The following PUM1 variants were observed in gnomAD, a reference collection of about 807,000 sequenced individuals.
PUM1 encodes pumilio homolog 1.
PUM1 carries 13 observed loss-of-function variants against 131.8 expected under a neutral mutation model. The ratio of observed to expected loss-of-function variants is 0.10; its 90% CI spans 0.06 to 0.16. The LOEUF is 0.16. Among genes scored for constraint, PUM1 ranks in the 10% least tolerant of loss-of-function variants. The probability of loss-of-function intolerance (pLI) is 1.00; values close to 1 mark genes in which losing one functional copy is unlikely to be tolerated. For missense variants in PUM1, 961 were observed against 1,512.4 expected, an observed-to-expected ratio of 0.64 and a Z score of 6.05; for synonymous variants, 509 against 556.5, an observed-to-expected ratio of 0.91 and a Z score of 1.20.
chr1:31,006,670 C>T (rs1184416523), intron 4 of PUM1, among the ~76,000 whole-genome samples: 5 of 152,164 alleles, frequency 3.3e-5, no homozygotes, highest in African/African-American at 1.2e-4. Flanking sequence ...GAAACATGAA[C>T]TTCAAATGGC....
At chr1:30,994,069 C>A (rs182341104) in intron 6 of PUM1, among the ~76,000 whole-genome samples, 33 of 151,762 alleles carry the variant, frequency 2.2e-4, no homozygotes, top group Non-Finnish European at 5.9e-5. Context: ...GACCCTGTCT[C>A]CAAAAAATAA....
chr1:30,989,167 G>C (rs1307732652), intron 7 of PUM1, among the ~76,000 whole-genome samples: 5 of 152,080 alleles, frequency 3.3e-5, no homozygotes, highest in Non-Finnish European at 2.9e-5. Context: ...CCACCAACCA[G>C]ACTGACTACT....
chr1:30,938,903 AT>A (rs1639329287), intron 20 of PUM1, among the ~76,000 whole-genome samples: 1 of 49,606 alleles, frequency 2.0e-5, no homozygotes, highest in African/African-American at 4.1e-5. Flanking sequence ...AGATAGATAG[AT>A]AGACAGACAG....
intron 2 of PUM1, among the ~76,000 whole-genome samples, chr1:31,052,158 G>C (rs1246192232): frequency 6.6e-6 from 1 of 151,698 alleles, no homozygotes; most frequent in African/African-American, 2.4e-5. Flanking sequence ...GACTACAGGC[G>C]CCCACCACCA....
intron 2 of PUM1, among the ~76,000 whole-genome samples, chr1:31,051,969 A>G (rs1644119484): frequency 6.6e-6 from 1 of 152,158 alleles, no homozygotes; most frequent in Non-Finnish European, 1.5e-5. Flanking sequence ...GTTATTCAGG[A>G]AAGAAAAAAA....
intron 2 of PUM1, among the ~76,000 whole-genome samples, chr1:31,041,724 G>C (rs769620994): frequency 1.4e-4 from 21 of 152,144 alleles, no homozygotes. Flanking sequence ...GAGTAAAAGT[G>C]TCCTGAGGCC....
chr1:30,989,571 C>CAAAAAAAAAAAAAAAA (rs1174565063), intron 7 of PUM1, among the ~76,000 whole-genome samples: 2 of 27,704 alleles, frequency 7.2e-5, no homozygotes, highest in African/African-American at 2.7e-4. Flanking sequence ...GACTCCGTCT[C>CAAAAAAAAAAAAAAAA]AAAAAAAAAA....
At chr1:31,049,485 C>T (rs1231212319) in intron 2 of PUM1, among the ~76,000 whole-genome samples, 1 of 150,810 alleles carries the variant, frequency 6.6e-6, no homozygotes, top group African/African-American at 2.4e-5. Context: ...CATTGCACTC[C>T]AGCCTGGGCA....
intron 5 of PUM1, among the ~76,000 whole-genome samples, chr1:31,003,494 C>T (rs1642288863): frequency 6.6e-6 from 1 of 152,124 alleles, no homozygotes; most frequent in Non-Finnish European, 1.5e-5. Context: ...CGGTGGCTCA[C>T]GCTTGTAATC....
chr1:31,009,772 A>AAAAAAAAAAAC (rs1557583835), intron 3 of PUM1, among the ~76,000 whole-genome samples: 5 of 62,922 alleles, frequency 7.9e-5, no homozygotes, highest in Non-Finnish European at 1.6e-4. Context: ...TGTCTCAAAA[A>AAAAAAAAAAAC]AAAAAAAAAA....
At chr1:31,055,977 A>G (rs528542787) in intron 2 of PUM1, among the ~76,000 whole-genome samples, 18 of 152,314 alleles carry the variant, frequency 1.2e-4, no homozygotes, top group Non-Finnish European at 2.4e-4. Flanking sequence ...TGATTTTTGA[A>G]TAACATTTAG....
intron 3 of PUM1, among the ~76,000 whole-genome samples, chr1:31,024,710 G>A (rs572049759): frequency 7.2e-5 from 11 of 152,270 alleles, no homozygotes; most frequent in Admixed American, 3.3e-4. Flanking sequence ...CCAATTATGC[G>A]AACAAAGTAC....
intron 3 of PUM1, among the ~76,000 whole-genome samples, chr1:31,016,532 G>T (rs1234931839): frequency 6.6e-6 from 1 of 152,110 alleles, no homozygotes; most frequent in Non-Finnish European, 1.5e-5. Flanking sequence ...GCAGAGTGAA[G>T]TGCATCCACT....
intron 3 of PUM1, among the ~76,000 whole-genome samples, chr1:31,020,678 C>T (rs1286011925): frequency 2.0e-5 from 3 of 152,144 alleles, no homozygotes; most frequent in Non-Finnish European, 4.4e-5. Context: ...ACCCAGTTAG[C>T]CTCAGGGAAT....
At position 31,005,837 on chromosome 1, in the gene PUM1, C is replaced by G. The variant is rs1395361271; in HGVS notation, c.720+16G>C. On this transcript the variant is annotated intron_variant, in intron 5 of 21. Coordinates refer to ENST00000426105, the MANE Select transcript of PUM1 (RefSeq NM_001020658.2). ...AGAGAGAGAGAGATAGGAACAAGTT[C>G]CTCAAGCCAACTTACAAATCCTCCT... 1 of 1,569,246 alleles carries G rather than the reference C, an allele frequency of 6.4e-7. No homozygotes were observed. Among genetic ancestry groups the G allele is most frequent in the African/African-American group, 1.4e-5 (1 of 72,498 alleles).
intron 1 of PUM1, among the ~76,000 whole-genome samples, chr1:31,062,582 T>C (rs1007587937): frequency 1.4e-5 from 2 of 146,546 alleles, no homozygotes; most frequent in African/African-American, 2.6e-5. Flanking sequence ...ATCAAGGCAC[T>C]GCACTCCAGC....
intron 6 of PUM1, among the ~76,000 whole-genome samples, chr1:30,993,736 A>AG (rs1641885801): frequency 6.6e-6 from 1 of 152,182 alleles, no homozygotes; most frequent in Admixed American, 6.5e-5. Context: ...GAAAGACCTT[A>AG]GGTAAGTATT....
intron 8 of PUM1, 35 bp downstream of exon 8, chr1:30,981,277 C>A: frequency 7.3e-7 from 1 of 1,370,174 alleles, no homozygotes; most frequent in East Asian, 2.4e-5. Flanking sequence ...GGCGGCCACA[C>A]CTATCATGAA....
At chr1:31,007,185 G>GTAC in intron 3 of PUM1, 83 bp from the exon 4 acceptor site, 1 of 1,032,386 alleles carries the variant, frequency 9.7e-7, no homozygotes, top group Non-Finnish European at 1.5e-6. Context: ...TTAGACAAGG[G>GTAC]TACTGAAGAT....
Sources: allele counts gnomAD v4.1 joint callset (sites outside exome capture counted in the v4.1 genomes callset), GRCh38; gene constraint gnomAD v4.1.1; transcripts MANE v1.5; gene names NCBI Gene and HGNC (gene_info 2026-07-23, HGNC 2026-07-21).